DOCK8: variants seen among roughly 807,000 people sequenced by gnomAD.
The protein encoded by DOCK8 is dedicator of cytokinesis 8, also known as dedicator of cytokinesis protein 8.
DOCK8 carries 141 observed loss-of-function variants against 245.6 expected under a neutral mutation model. That is an observed-to-expected ratio of 0.57 (90% CI 0.50 to 0.66). DOCK8 has a LOEUF of 0.66. Among genes scored for constraint, DOCK8 ranks in the 30% least tolerant of loss-of-function variants. The pLI is 0.00. For missense variants in DOCK8, 2,965 were observed against 2,603.4 expected (o/e 1.14, Z -3.02); for synonymous variants, 1,168 against 970.2 (o/e 1.20, Z -3.79).
intron 22 of DOCK8, among the ~76,000 whole-genome samples, chr9:384,310 A>T (rs2053854757): frequency 6.6e-6 from 1 of 152,132 alleles, no homozygotes; most frequent in Admixed American, 6.5e-5. Flanking sequence ...CTTAGCCTGA[A>T]TTTTTTCTCC....
chr9:226,202 C>T (rs1330618145), intron 1 of DOCK8, among the ~76,000 whole-genome samples: 9 of 152,042 alleles, frequency 5.9e-5, no homozygotes, highest in African/African-American at 1.4e-4. Context: ...TCTTAAACGG[C>T]GGCAGGCAAG....
At chr9:368,602 C>T (rs73641534) in intron 15 of DOCK8, 8,773 of 240,492 alleles carry the variant, frequency 0.036, 218 homozygotes, top group African/African-American at 0.064. Context: ...ACACACACCA[C>T]CTCCACACCT....
chr9:249,889 A>G lies in DOCK8; in HGVS notation c.54-21738A>G, dbSNP rs144392043. Among the ~76,000 whole-genome samples, 1,024 of 152,042 alleles carry G rather than the reference A, an allele frequency of 6.7e-3. 11 individuals carry two copies. The highest frequency in any genetic ancestry group is 8.7e-3 in the Non-Finnish European group (592 of 67,986). On this transcript the variant is annotated intron_variant, in intron 1 of 47. Transcript: ENST00000432829. Reference sequence around the variant, plus strand: ...GCGACGCCCCCGCCTCGGCATCCCAAAGTGCTGGGATTACAGGCGTGAACT... The same window carrying G: ...GCGACGCCCCCGCCTCGGCATCCCAGAGTGCTGGGATTACAGGCGTGAACT...
intron 45 of DOCK8, among the ~76,000 whole-genome samples, chr9:451,773 A>G (rs1323944148): frequency 6.6e-6 from 1 of 151,634 alleles, no homozygotes; most frequent in Non-Finnish European, 1.5e-5. Context: ...AACCAACTAC[A>G]AAATTAAATG....
At chr9:401,848 T>C (rs2055123809) in intron 26 of DOCK8, among the ~76,000 whole-genome samples, 1 of 152,058 alleles carries the variant, frequency 6.6e-6, no homozygotes, top group Non-Finnish European at 1.5e-5. Context: ...GAAGTCCTGA[T>C]AAGGAAGCAG....
In DOCK8 at chr9:254,770, A is replaced by C. The variant is rs143850283; in HGVS notation, c.54-16857A>C. On this transcript the variant is annotated intron_variant, in intron 1 of 47. Transcript: ENST00000432829. ...TATAAAGTTGGCTTAATGATGAGACAGGTTTCTCAGTCGGGTTTTCCATTG... is the reference window on the plus strand; with the variant it reads ...TATAAAGTTGGCTTAATGATGAGACCGGTTTCTCAGTCGGGTTTTCCATTG... Among the ~76,000 whole-genome samples the C allele has an allele frequency of 5.9e-4, 90 of 152,330 alleles. No individual in the cohort carries two copies. In the Middle Eastern group the frequency reaches 0.01, roughly 17 times the overall value.
chr9:214,590 A>C, upstream of DOCK8: 2 of 1,613,974 alleles, frequency 1.2e-6, no homozygotes, highest in Non-Finnish European at 1.7e-6. Context: ...GCAGCCTCGC[A>C]GCTTCGGGCA....
chr9:243,521 A>G (rs1368934947), intron 1 of DOCK8, among the ~76,000 whole-genome samples: 1 of 152,156 alleles, frequency 6.6e-6, no homozygotes, highest in Non-Finnish European at 1.5e-5. Flanking sequence ...TGCTGAGATC[A>G]AGGGAAGAAG....
intron 14 of DOCK8, among the ~76,000 whole-genome samples, chr9:355,471 G>A (rs1563957473): frequency 6.6e-6 from 1 of 151,736 alleles, no homozygotes; most frequent in Non-Finnish European, 1.5e-5. Context: ...CAAAGTGCTG[G>A]GATTACAGGC....
chr9:441,212 C>G, intron 40 of DOCK8, 74 bp from the exon 41 acceptor site: 1 of 1,591,378 alleles, frequency 6.3e-7, no homozygotes, highest in Non-Finnish European at 8.6e-7. Flanking sequence ...ATTGTTTGGA[C>G]AATGACCTCT....
At chr9:275,792 T>G (rs1483484650) in intron 2 of DOCK8, among the ~76,000 whole-genome samples, 2 of 152,172 alleles carry the variant, frequency 1.3e-5, no homozygotes, top group Non-Finnish European at 2.9e-5. Context: ...TTTCACCATG[T>G]TGGCCAGGCT....
At chr9:417,021 G>T (rs1318538395) in intron 29 of DOCK8, among the ~76,000 whole-genome samples, 1 of 152,172 alleles carries the variant, frequency 6.6e-6, no homozygotes, top group East Asian at 1.9e-4. Flanking sequence ...TTGGCTCGGT[G>T]TGGTGGCTCA....
At chr9:359,970 G>A (rs913657614) in intron 14 of DOCK8, among the ~76,000 whole-genome samples, 5 of 152,126 alleles carry the variant, frequency 3.3e-5, no homozygotes, top group Non-Finnish European at 5.9e-5. Flanking sequence ...AGAATTGCAT[G>A]TTGCTAGTAG....
At chr9:428,560 C>T in intron 35 of DOCK8, 64 bp downstream of exon 35, 1 of 1,593,408 alleles carries the variant, frequency 6.3e-7, no homozygotes, top group South Asian at 1.1e-5. Context: ...TAGCTTCATA[C>T]TTCTCTCTTC....
chr9:252,630 C>T (rs1362230114), intron 1 of DOCK8, among the ~76,000 whole-genome samples: 1 of 151,810 alleles, frequency 6.6e-6, no homozygotes, highest in African/African-American at 2.4e-5. Context: ...TGGTGAAACC[C>T]CATCTCTACT....
At chr9:279,703 G>C (rs1033271394) in intron 2 of DOCK8, among the ~76,000 whole-genome samples, 4 of 152,236 alleles carry the variant, frequency 2.6e-5, no homozygotes, top group Non-Finnish European at 5.9e-5. Context: ...TGAAGTCTTA[G>C]GTGACTTTGA....
chr9:381,959 T>TAAAA (rs74820255), intron 21 of DOCK8, among the ~76,000 whole-genome samples: 1 of 142,890 alleles, frequency 7.0e-6, no homozygotes, highest in African/African-American at 2.6e-5. Context: ...GACCCTGTCT[T>TAAAA]AAAAAAAAAA....
chr9:428,370 G>T lies in DOCK8; in HGVS notation c.4347G>T (p.Ser1449=). ...DMQENIIQAS[S]ALDCKDSLLG... is the part of the protein sequence containing the mutation. The stretch of plus-strand genomic sequence containing the variant: ...TTCTTCCATTCCCCCAGGCGAGCTC[G>T]GCTCTGGACTGTAAAGACAGCCTGC... Residue 1449 remains serine, a synonymous_variant, in exon 35 of 48, where the codon TCG becomes TCT. Transcript: ENST00000432829. 1 of 1,614,138 alleles carries T rather than the reference G, an allele frequency of 6.2e-7. No individual in the cohort carries two copies. The highest frequency in any genetic ancestry group is 1.1e-5 in the South Asian group (1 of 91,070).
rs542215471 is a variant in DOCK8, at chr9:327,953, C to T, written c.895-69C>T. ...AAATTTCTCTGTGGTGTTTTTACTC[C>T]TTTTTAACATGTTTAAACCATGAAT... On this transcript the variant is annotated intron_variant, in intron 8 of 47. Transcript: ENST00000432829. 6.9e-5 allele frequency: 104 copies of T among 1,507,832 alleles called. 1 individual carries two copies. The African/African-American group carries it at 1.2e-3, about 18-fold the overall frequency. 93.4% of individuals were successfully genotyped at this position (1,507,832 alleles called of 1,614,324 possible).
Sources: allele counts gnomAD v4.1 joint callset (sites outside exome capture counted in the v4.1 genomes callset), GRCh38; gene constraint gnomAD v4.1.1; transcripts MANE v1.5; gene names NCBI Gene and HGNC (gene_info 2026-07-23, HGNC 2026-07-21).